CCDC171: variants seen among roughly 807,000 people sequenced by gnomAD.
CCDC171 encodes the protein coiled-coil domain containing 171.
CCDC171 carries 177 observed loss-of-function variants against 168.2 expected under a neutral mutation model. That is an observed-to-expected ratio of 1.05 (90% CI 0.93 to 1.19). The LOEUF (loss-of-function observed/expected upper bound fraction) is 1.19, where lower values mean the gene tolerates loss of function less well. Ranked by LOEUF, CCDC171 falls within the 50% of genes most tolerant of loss-of-function variation. The probability of loss-of-function intolerance (pLI) is 0.00; values close to 1 mark genes in which losing one functional copy is unlikely to be tolerated. For missense variants in CCDC171, 1,991 were observed against 1,539.0 expected (o/e 1.29, Z -4.91); for synonymous variants, 687 against 540.8 (o/e 1.27, Z -3.75).
chr9:15,677,675 C>G (rs532823438), intron 9 of CCDC171, among the ~76,000 whole-genome samples: 14 of 150,630 alleles, frequency 9.3e-5, no homozygotes, highest in African/African-American at 3.2e-4. Context: ...TATGTTCATA[C>G]AGAATGTAAA....
chr9:15,801,528 G>T (rs996491216), intron 21 of CCDC171, among the ~76,000 whole-genome samples: 1 of 151,962 alleles, frequency 6.6e-6, no homozygotes, highest in Non-Finnish European at 1.5e-5. Flanking sequence ...GAGTTTTTAG[G>T]TTTTTCCAAA....
chr9:16,006,796 G>T (rs1255180931), intron 3 of CCDC171, among the ~76,000 whole-genome samples: 1 of 152,192 alleles, frequency 6.6e-6, no homozygotes, highest in East Asian at 1.9e-4. Context: ...ATTCCATGGT[G>T]TGTATGTGCC....
At chr9:15,822,143 A>T (rs1375717123) in intron 21 of CCDC171, among the ~76,000 whole-genome samples, 10 of 152,236 alleles carry the variant, frequency 6.6e-5, no homozygotes, top group Non-Finnish European at 1.3e-4. Flanking sequence ...TAGAAAGCTG[A>T]CACTGGATCC....
chr9:15,590,315 C>A (rs1563998516), intron 4 of CCDC171, among the ~76,000 whole-genome samples: 1 of 152,298 alleles, frequency 6.6e-6, no homozygotes, highest in East Asian at 1.9e-4. Context: ...AGAAATACTG[C>A]TAATATAGCT....
chr9:15,834,753 A>C (rs532254977), intron 21 of CCDC171, among the ~76,000 whole-genome samples: 31 of 152,334 alleles, frequency 2.0e-4, no homozygotes, highest in African/African-American at 7.2e-4. Context: ...AGCCTGGCCA[A>C]TTGCCAAAAT....
intron 25 of CCDC171, among the ~76,000 whole-genome samples, chr9:15,961,716 A>G (rs757161485): frequency 1.3e-5 from 2 of 152,158 alleles, no homozygotes; most frequent in Non-Finnish European, 2.9e-5. Context: ...TAAAATATAT[A>G]GATGTATTTC....
chr9:15,718,292 C>T (rs1261797557), intron 11 of CCDC171, among the ~76,000 whole-genome samples: 2 of 152,000 alleles, frequency 1.3e-5, no homozygotes, highest in East Asian at 3.9e-4. Flanking sequence ...TTGTCTTGTG[C>T]CAGTTCAGCC....
At chr9:15,838,657 C>A (rs2060550615) in intron 21 of CCDC171, among the ~76,000 whole-genome samples, 1 of 152,202 alleles carries the variant, frequency 6.6e-6, no homozygotes, top group South Asian at 2.1e-4. Context: ...GTCTTGAACT[C>A]CTGGCCTCAA....
chr9:15,713,323 T>G (rs907078145), intron 11 of CCDC171, among the ~76,000 whole-genome samples: 15 of 152,116 alleles, frequency 9.9e-5, no homozygotes, highest in Non-Finnish European at 1.9e-4. Flanking sequence ...CCATTTTTTT[T>G]TTTTTCTATT....
chr9:15,994,401 A>G (rs142051947), intron 3 of CCDC171, among the ~76,000 whole-genome samples: 24 of 152,196 alleles, frequency 1.6e-4, no homozygotes, highest in Non-Finnish European at 2.9e-4. Flanking sequence ...ACACTTGGAC[A>G]CAGGAAGGGG....
intron 18 of CCDC171, among the ~76,000 whole-genome samples, chr9:15,745,848 A>C (rs968412951): frequency 7.2e-5 from 11 of 152,120 alleles, no homozygotes; most frequent in Non-Finnish European, 8.8e-5. Flanking sequence ...TTCTTGGTGA[A>C]TGTATCCACC....
intron 25 of CCDC171, among the ~76,000 whole-genome samples, chr9:15,924,694 A>G (rs1691887974): frequency 6.6e-6 from 1 of 151,504 alleles, no homozygotes; most frequent in Non-Finnish European, 1.5e-5. Flanking sequence ...ACATTCTTAA[A>G]AAGTAATCTA....
rs114369968 is a variant in CCDC171, at chr9:15,979,507, T to A, written n.369-41082T>A. Among the ~76,000 whole-genome samples, 678 of 152,258 alleles carry A rather than the reference T, an allele frequency of 4.5e-3. 5 individuals carry two copies. Among genetic ancestry groups the A allele is most frequent in the African/African-American group, 0.016 (664 of 41,560 alleles). On this transcript the variant is annotated intron_variant and non_coding_transcript_variant, in intron 3 of 9. Coordinates refer to the CCDC171 transcript ENST00000486641. ...CTGTTTTTTATCACAGAAGGGTGTT[T>A]CAATTTGTCAAATATTTTTTCTGTA...
At chr9:15,812,814 G>A (rs780568402) in intron 21 of CCDC171, among the ~76,000 whole-genome samples, 1 of 152,160 alleles carries the variant, frequency 6.6e-6, no homozygotes, top group Non-Finnish European at 1.5e-5. Context: ...TTCTCTGAAT[G>A]GGAGTGTTTG....
intron 21 of CCDC171, among the ~76,000 whole-genome samples, chr9:15,786,634 G>A (rs1361702439): frequency 1.3e-5 from 2 of 152,116 alleles, no homozygotes; most frequent in African/African-American, 4.8e-5. Flanking sequence ...TCTGTGACCT[G>A]CACATATATG....
the CCDC171 span, among the ~76,000 whole-genome samples, chr9:16,086,942 A>G: frequency 6.6e-6 from 1 of 152,150 alleles, no homozygotes; most frequent in Non-Finnish European, 1.5e-5. Flanking sequence ...CTTTGTTCTC[A>G]TTGGTTTTAA....
chr9:15,564,602 C>T (rs570428865), intron 2 of CCDC171, among the ~76,000 whole-genome samples: 17 of 152,346 alleles, frequency 1.1e-4, no homozygotes, highest in South Asian at 2.1e-4. Context: ...CAAGACGTAA[C>T]GCCTAATTGC....
At chr9:15,568,751 T>A (rs1402625710) in intron 2 of CCDC171, among the ~76,000 whole-genome samples, 1 of 135,712 alleles carries the variant, frequency 7.4e-6, no homozygotes, top group African/African-American at 2.9e-5. Flanking sequence ...TTTTTAATGT[T>A]TTTTTTTCTT....
chr9:15,969,208 G>A (rs1052749671), intron 25 of CCDC171, among the ~76,000 whole-genome samples: 3 of 152,096 alleles, frequency 2.0e-5, no homozygotes, highest in African/African-American at 4.8e-5. Flanking sequence ...GCTTTCAGAC[G>A]ACATAGTGGA....
Sources: gnomAD v4.1 joint callset for allele counts (sites outside exome capture counted in the v4.1 genomes callset) on GRCh38, gnomAD v4.1.1 for gene constraint, MANE v1.5 for transcripts, NCBI Gene and HGNC (gene_info 2026-07-23, HGNC 2026-07-21) for gene names.